CNTN5: variants seen among roughly 807,000 people sequenced by gnomAD.
CNTN5 encodes the protein contactin-5.
In CNTN5, 77 loss-of-function variants were observed where a neutral mutation model predicts 129.1. The observed-to-expected ratio is 0.60, with a 90% confidence interval of 0.50 to 0.72. The LOEUF is 0.72. CNTN5 is among the 30% of genes least tolerant of loss of function. CNTN5 has a pLI of 0.00. For synonymous variants in CNTN5, 509 were observed against 465.6 expected (o/e 1.09, Z -1.20); for missense variants, 1,478 against 1,328.8 (o/e 1.11, Z -1.75).
At chr11:99,437,620 G>A (rs140693696) in intron 2 of CNTN5, among the ~76,000 whole-genome samples, 1 of 152,228 alleles carries the variant, frequency 6.6e-6, no homozygotes, top group Non-Finnish European at 1.5e-5. Context: ...CTGAGGTCAG[G>A]AGTTTGAGAC....
chr11:99,269,564 A>G (rs1434630059), intron 1 of CNTN5, among the ~76,000 whole-genome samples: 1 of 151,812 alleles, frequency 6.6e-6, no homozygotes, highest in Non-Finnish European at 1.5e-5. Context: ...GTATTTTTTA[A>G]ACCTGTTTTG....
At chr11:99,920,707 T>C (rs905445631) in intron 7 of CNTN5, among the ~76,000 whole-genome samples, 13 of 152,158 alleles carry the variant, frequency 8.5e-5, no homozygotes, top group African/African-American at 3.1e-4. Context: ...TGTACTCACA[T>C]GGTGGAAGGG....
intron 3 of CNTN5, among the ~76,000 whole-genome samples, chr11:99,761,487 T>C (rs1944580666): frequency 1.3e-5 from 2 of 151,932 alleles, no homozygotes; most frequent in Non-Finnish European, 1.5e-5. Flanking sequence ...CATTGTTCAA[T>C]TCCCACCTAT....
chr11:99,367,770 T>C (rs1001775351), intron 2 of CNTN5, among the ~76,000 whole-genome samples: 4 of 152,008 alleles, frequency 2.6e-5, no homozygotes, highest in South Asian at 2.1e-4. Context: ...TTAATGAATA[T>C]TGGAATTAAA....
chr11:100,221,671 C>A (rs1293252606), intron 15 of CNTN5, among the ~76,000 whole-genome samples: 5 of 152,072 alleles, frequency 3.3e-5, no homozygotes, highest in Non-Finnish European at 7.4e-5. Flanking sequence ...ACTCATTCAA[C>A]AAATAGTTAT....
chr11:100,088,034 C>T (rs1228301016), intron 13 of CNTN5, among the ~76,000 whole-genome samples: 1 of 132,788 alleles, frequency 7.5e-6, no homozygotes, highest in Non-Finnish European at 1.6e-5. Context: ...AAAATTAAGG[C>T]AGAAATAAAA....
intron 6 of CNTN5, among the ~76,000 whole-genome samples, chr11:99,853,461 G>A (rs1288426662): frequency 6.6e-6 from 1 of 151,934 alleles, no homozygotes. Flanking sequence ...GCACAATGGT[G>A]CATTCTCGGC....
chr11:99,260,894 G>A (rs1484278903), intron 1 of CNTN5, among the ~76,000 whole-genome samples: 2 of 151,992 alleles, frequency 1.3e-5, no homozygotes, highest in African/African-American at 2.4e-5. Context: ...TCACTGATGG[G>A]AAATTCCAAA....
intron 1 of CNTN5, among the ~76,000 whole-genome samples, chr11:99,159,508 G>A (rs1591292170): frequency 1.3e-5 from 2 of 152,110 alleles, no homozygotes; most frequent in Admixed American, 6.5e-5. Context: ...TGTAGTCCCA[G>A]CTACTCAGGA....
At chr11:100,236,911 T>C (rs980206734) in intron 16 of CNTN5, among the ~76,000 whole-genome samples, 3 of 152,090 alleles carry the variant, frequency 2.0e-5, no homozygotes, top group Non-Finnish European at 4.4e-5. Flanking sequence ...AGAACTCCGC[T>C]GGGCGCGGTG....
At chr11:99,153,748 A>G (rs1041676252) in intron 1 of CNTN5, among the ~76,000 whole-genome samples, 1 of 146,226 alleles carries the variant, frequency 6.8e-6, no homozygotes, top group Non-Finnish European at 1.5e-5. Context: ...GAGTTCTTGC[A>G]TTGGTTCTTA....
chr11:100,350,524 C>T (rs968761551), intron 23 of CNTN5, among the ~76,000 whole-genome samples, 178 bp from the exon 24 acceptor site: 2 of 151,854 alleles, frequency 1.3e-5, no homozygotes, highest in Admixed American at 6.6e-5. Context: ...TCTCCTGTAC[C>T]TCCATGGCCC....
chr11:100,258,725 C>T (rs940695349), intron 17 of CNTN5, among the ~76,000 whole-genome samples: 3 of 152,130 alleles, frequency 2.0e-5, no homozygotes, highest in Admixed American at 2.0e-4. Context: ...AAGTAAAATC[C>T]TTTACAGATA....
intron 2 of CNTN5, among the ~76,000 whole-genome samples, chr11:99,445,866 C>G (rs900928798): frequency 2.6e-5 from 4 of 151,906 alleles, no homozygotes; most frequent in Non-Finnish European, 5.9e-5. Flanking sequence ...GGCGGATCAC[C>G]TGAGGTCAGG....
In CNTN5 at chr11:100,342,162, C is replaced by CACACACAG. The variant is rs1464434392; in HGVS notation, c.3030+964_3030+965insGACACACA. Among the ~76,000 whole-genome samples, 3 of 151,570 alleles carry CACACACAG rather than the reference C, an allele frequency of 2.0e-5. No homozygotes were observed. In the East Asian group the frequency reaches 5.8e-4, roughly 29 times the overall value. On this transcript the variant is annotated intron_variant, in intron 23 of 24. Coordinates refer to ENST00000524871, the MANE Select transcript of CNTN5 (RefSeq NM_014361.4). ...TTAGGATAGATCACAGACACACACA[C>CACACACAG]ACACACACACACACACACACAAGTC...
At chr11:99,890,561 A>T (rs1036840886) in intron 6 of CNTN5, among the ~76,000 whole-genome samples, 13 of 147,636 alleles carry the variant, frequency 8.8e-5, no homozygotes, top group Non-Finnish European at 1.5e-4. Context: ...TGATTGAAAT[A>T]GACATGTGTG....
intron 2 of CNTN5, among the ~76,000 whole-genome samples, chr11:99,548,062 G>A (rs116177743): frequency 4.3e-4 from 66 of 152,100 alleles, no homozygotes; most frequent in African/African-American, 1.5e-3. Flanking sequence ...AATTATATGT[G>A]TTTTCTATTG....
chr11:100,137,494 C>A (rs976933052), intron 13 of CNTN5, among the ~76,000 whole-genome samples: 2 of 151,996 alleles, frequency 1.3e-5, no homozygotes, highest in Admixed American at 1.3e-4. Flanking sequence ...ATTTAAATAC[C>A]TAGATGATAA....
At chr11:99,409,183 G>A (rs1036613231) in intron 2 of CNTN5, among the ~76,000 whole-genome samples, 10 of 152,126 alleles carry the variant, frequency 6.6e-5, no homozygotes, top group Non-Finnish European at 1.0e-4. Flanking sequence ...AGGCACTGCC[G>A]GCCAGGCACG....
Sources: gnomAD v4.1 joint callset for allele counts (sites outside exome capture counted in the v4.1 genomes callset) on GRCh38, gnomAD v4.1.1 for gene constraint, MANE v1.5 for transcripts, NCBI Gene and HGNC (gene_info 2026-07-23, HGNC 2026-07-21) for gene names.